AKAP6: variants seen among roughly 807,000 people sequenced by gnomAD.
The protein encoded by AKAP6 is A-kinase anchoring protein 6, also known as A-kinase anchor protein 6.
A neutral mutation model predicts 188.5 loss-of-function variants in AKAP6; 58 were observed. The ratio of observed to expected loss-of-function variants is 0.31; its 90% confidence interval spans 0.25 to 0.38. The LOEUF (loss-of-function observed/expected upper bound fraction) is 0.38. Among genes scored for constraint, AKAP6 ranks in the 10% least tolerant of loss-of-function variants. The pLI is 1.00. For synonymous variants in AKAP6, 989 were observed against 998.6 expected, an observed-to-expected ratio of 0.99 and a Z score of 0.18; for missense variants, 2,710 against 2,740.0, an observed-to-expected ratio of 0.99 and a Z score of 0.24.
Position 32,519,282 on chromosome 14 carries a change from T to C in AKAP6, c.325-16272T>C, listed in dbSNP as rs553660593. Among the ~76,000 whole-genome samples the C allele has an allele frequency of 2.6e-5, 4 of 152,276 alleles. No individual in the cohort carries two copies. The South Asian group carries it at 8.3e-4, about 32-fold the overall frequency. On this transcript the variant is annotated intron_variant, in intron 2 of 13. Transcript: ENST00000280979. ...CCATTGAGGCTAGGAAGTAACTGCA[T>C]CAACTAACGAGCAAAATAACCAACT...
chr14:32,680,133 A>G (rs1889611918), intron 8 of AKAP6, among the ~76,000 whole-genome samples: 1 of 152,200 alleles, frequency 6.6e-6, no homozygotes, highest in African/African-American at 2.4e-5. Context: ...GTTAACAACA[A>G]GCATTGTTCT....
At chr14:32,498,939 AT>A (rs894278855) in intron 2 of AKAP6, among the ~76,000 whole-genome samples, 97 of 146,018 alleles carry the variant, frequency 6.6e-4, no homozygotes, top group Middle Eastern at 3.6e-3. Flanking sequence ...ACCTTCAATA[AT>A]TTTTTTTTTT....
intron 2 of AKAP6, among the ~76,000 whole-genome samples, chr14:32,443,416 A>C (rs1296131945): frequency 3.3e-5 from 5 of 151,630 alleles, no homozygotes; most frequent in Admixed American, 6.6e-5. Flanking sequence ...ACAAAAAAAA[A>C]ACAAAAAAAC....
intron 7 of AKAP6, among the ~76,000 whole-genome samples, chr14:32,636,340 ATTAC>A (rs969507842): frequency 2.0e-5 from 3 of 152,122 alleles, no homozygotes. Context: ...GTACCGGAAA[ATTAC>A]TTTTTAAATT....
At chr14:32,442,925 T>A (rs1300877804) in intron 2 of AKAP6, among the ~76,000 whole-genome samples, 1 of 151,930 alleles carries the variant, frequency 6.6e-6, no homozygotes, top group African/African-American at 2.4e-5. Flanking sequence ...AGAATTAAAG[T>A]GAAAAGGAAG....
chr14:32,465,835 AC>A (rs1401350503), intron 2 of AKAP6, among the ~76,000 whole-genome samples: 1 of 152,228 alleles, frequency 6.6e-6, no homozygotes, highest in Non-Finnish European at 1.5e-5. Flanking sequence ...TATCCATCTG[AC>A]AAAGGGTTGA....
In AKAP6 at chr14:32,824,370, C is replaced by A; in HGVS notation, c.6557C>A (p.Ala2186Glu). The A allele has an allele frequency of 1.9e-6, 3 of 1,613,940 alleles. No individual in the cohort carries two copies. The highest frequency in any genetic ancestry group is 1.7e-6 in the Non-Finnish European group (2 of 1,179,950). Reference sequence around the variant, plus strand: ...GAATCTGCAGTTCCCAGCGAAGCTGCAATGCCACTACAAGCAACAGCATGT... The same window carrying A: ...GAATCTGCAGTTCCCAGCGAAGCTGAAATGCCACTACAAGCAACAGCATGT... ...PNESAVPSEAAMPLQATACSS... is the reference protein window; with the variant it reads ...PNESAVPSEAEMPLQATACSS... Residue 2186 changes from alanine (A) to glutamate (E), a missense_variant, in exon 13 of 14, where the codon GCA becomes GAA. By Grantham distance (107) the Ala-to-Glu change is moderately radical (BLOSUM62 -1). Coordinates refer to ENST00000280979, the MANE Select transcript of AKAP6 (RefSeq NM_004274.5).
chr14:32,353,849 C>G lies in AKAP6; in HGVS notation c.-35+24441C>G, dbSNP rs1887382371. On this transcript the variant is annotated intron_variant, in intron 1 of 13. Coordinates refer to ENST00000280979, the MANE Select transcript of AKAP6 (RefSeq NM_004274.5). ...AGAGAGCCAAATCATGAGTGAATTCCCATTCACAATTGCTTCAAAGAGAAT... is the reference window on the plus strand; with the variant it reads ...AGAGAGCCAAATCATGAGTGAATTCGCATTCACAATTGCTTCAAAGAGAAT... Among the ~76,000 whole-genome samples, 5 of 152,034 alleles carry G rather than the reference C, an allele frequency of 3.3e-5. 1 individual carries two copies. In the South Asian group the frequency reaches 1.0e-3, roughly 32 times the overall value.
intron 4 of AKAP6, among the ~76,000 whole-genome samples, chr14:32,548,286 G>C (rs1210777271): frequency 6.6e-6 from 1 of 152,014 alleles, no homozygotes; most frequent in Non-Finnish European, 1.5e-5. Flanking sequence ...ATTTTTAGTA[G>C]AGACGGGGTT....
chr14:32,586,376 C>T (rs1885248417), intron 5 of AKAP6, among the ~76,000 whole-genome samples: 1 of 152,114 alleles, frequency 6.6e-6, no homozygotes. Context: ...GCCTGTAATC[C>T]TAGCAGTTCG....
intron 2 of AKAP6, among the ~76,000 whole-genome samples, chr14:32,502,203 G>A (rs1401848935): frequency 1.3e-5 from 2 of 152,176 alleles, no homozygotes; most frequent in African/African-American, 4.8e-5. Flanking sequence ...GCTCTTAATG[G>A]TGAAATTATT....
At chr14:32,672,760 C>G (rs1349266747) in intron 7 of AKAP6, among the ~76,000 whole-genome samples, 2 of 152,152 alleles carry the variant, frequency 1.3e-5, no homozygotes, top group Non-Finnish European at 1.5e-5. Flanking sequence ...GGCATTCCCA[C>G]TATTTGGTAT....
At chr14:32,686,890 T>C (rs1594847599) in intron 8 of AKAP6, among the ~76,000 whole-genome samples, 1 of 152,112 alleles carries the variant, frequency 6.6e-6, no homozygotes, top group Admixed American at 6.6e-5. Context: ...GTGGATGAAA[T>C]TGGGCAATGT....
In AKAP6 at chr14:32,834,531, G is replaced by GTGTTTT. The variant is rs1437449754; in HGVS notation, c.*4727_*4728insGTTTTT. Reference sequence around the variant, plus strand: ...ATCACACACTGCTTTTAGTTTCCAAGTCTTTTTTTTTTTTTTTTTTTTTAA... The same window carrying GTGTTTT: ...ATCACACACTGCTTTTAGTTTCCAAGTGTTTTTCTTTTTTTTTTTTTTTTTTTTTAA... On this transcript the variant is annotated 3_prime_UTR_variant, in exon 14 of 14. Coordinates refer to ENST00000280979, the MANE Select transcript of AKAP6 (RefSeq NM_004274.5). 2 of 90,502 alleles carry GTGTTTT rather than the reference G, an allele frequency of 2.2e-5. No individual in the cohort carries two copies. Among genetic ancestry groups the GTGTTTT allele is most frequent in the Non-Finnish European group, 2.2e-5 (1 of 46,346 alleles). 5.6% of individuals were successfully genotyped at this position (90,502 alleles called of 1,614,324 possible).
chr14:32,583,295 A>G (rs1357544680), intron 5 of AKAP6, among the ~76,000 whole-genome samples: 1 of 152,214 alleles, frequency 6.6e-6, no homozygotes, highest in Admixed American at 6.5e-5. Flanking sequence ...CGGTGGCTGC[A>G]GAACAGCGGA....
At chr14:32,384,488 C>A (rs1377218589) in intron 1 of AKAP6, among the ~76,000 whole-genome samples, 1 of 152,158 alleles carries the variant, frequency 6.6e-6, no homozygotes, top group Non-Finnish European at 1.5e-5. Context: ...TGGCTACCTA[C>A]AAGAAGTCAT....
Position 32,747,493 on chromosome 14 carries a change from A to G in AKAP6, c.3372+11611A>G, listed in dbSNP as rs527282836. Reference sequence around the variant, plus strand: ...CATAGATACATTTAAAAAAACTATTATATTAACCACGTATATCCATCAAAA... The same window carrying G: ...CATAGATACATTTAAAAAAACTATTGTATTAACCACGTATATCCATCAAAA... On this transcript the variant is annotated intron_variant, in intron 11 of 13. Coordinates refer to ENST00000280979, the MANE Select transcript of AKAP6 (RefSeq NM_004274.5). 5.9e-5 allele frequency among the ~76,000 whole-genome samples: 9 copies of G among 152,350 alleles called. No individual in the cohort carries two copies. In the South Asian group the frequency reaches 1.9e-3, roughly 32 times the overall value.
At chr14:32,684,931 G>A (rs575293268) in intron 8 of AKAP6, among the ~76,000 whole-genome samples, 1 of 152,180 alleles carries the variant, frequency 6.6e-6, no homozygotes, top group South Asian at 2.1e-4. Flanking sequence ...AGTGTAGTGA[G>A]AGAGAGAGAC....
intron 1 of AKAP6, chr14:32,385,147 G>GAAAAGA (rs1888487576): frequency 6.8e-6 from 1 of 146,410 alleles, no homozygotes. Flanking sequence ...ATGACACTCT[G>GAAAAGA]AAAAAAAAAA....
Sources: allele counts gnomAD v4.1 joint callset (sites outside exome capture counted in the v4.1 genomes callset), GRCh38; gene constraint gnomAD v4.1.1; transcripts MANE v1.5; gene names NCBI Gene and HGNC (gene_info 2026-07-23, HGNC 2026-07-21).